The following JAK2 variants were observed in gnomAD, a reference collection of about 807,000 sequenced individuals.
JAK2 encodes tyrosine-protein kinase JAK2.
In JAK2, 86 loss-of-function variants were observed where a neutral mutation model predicts 139.3. The ratio of observed to expected loss-of-function variants is 0.62; its 90% CI spans 0.52 to 0.74. The LOEUF is 0.74. Among genes scored for constraint, JAK2 ranks in the 30% least tolerant of loss-of-function variants. JAK2 has a pLI of 0.00. For missense variants in JAK2, 1,421 were observed against 1,360.3 expected, an observed-to-expected ratio of 1.04 and a Z score of -0.70; for synonymous variants, 490 against 437.7, an observed-to-expected ratio of 1.12 and a Z score of -1.49.
intron 22 of JAK2, chr9:5,110,471 A>G (rs1822370433): frequency 6.5e-6 from 1 of 152,756 alleles, no homozygotes; most frequent in Admixed American, 6.5e-5. Context: ...CCTTTTTTAA[A>G]GCTATATTAT....
At chr9:5,087,340 A>G (rs921559037) in intron 19 of JAK2, among the ~76,000 whole-genome samples, 1 of 152,240 alleles carries the variant, frequency 6.6e-6, no homozygotes, top group African/African-American at 2.4e-5. Context: ...CATGAGAACT[A>G]TCACGAGAAC....
chr9:5,077,354 T>A lies in JAK2; in HGVS notation c.1865-99T>A, dbSNP rs542588704. On this transcript the variant is annotated intron_variant, in intron 14 of 24. Transcript: ENST00000381652. ...GTGAGTTTTGCCAATTTAATTTCTT[T>A]ACCTATAATGGTCACATGTAAGTAT... is the stretch of plus-strand genomic sequence containing the variant. 27 of 400,744 alleles carry A rather than the reference T, an allele frequency of 6.7e-5. No individual in the cohort carries two copies. In the East Asian group the frequency reaches 1.1e-3, roughly 17 times the overall value. The allele number at this position is 400,744 out of a possible 1,614,324, so 24.8% of individuals were successfully genotyped here.
intron 22 of JAK2, chr9:5,111,908 C>T (rs1822598986): frequency 8.5e-6 from 3 of 353,316 alleles, no homozygotes; most frequent in African/African-American, 4.4e-5. Flanking sequence ...CTCGGGAAGG[C>T]CTGGCCTCAA....
intron 15 of JAK2, among the ~76,000 whole-genome samples, 193 bp downstream of exon 15, chr9:5,077,773 GT>G (rs1440042678): frequency 6.6e-6 from 1 of 152,152 alleles, no homozygotes; most frequent in Admixed American, 6.5e-5. Flanking sequence ...TGAAAAAAAA[GT>G]TTTGTCATCC....
chr9:5,105,388 C>A (rs1158176135), intron 22 of JAK2, among the ~76,000 whole-genome samples: 1 of 152,190 alleles, frequency 6.6e-6, no homozygotes, highest in South Asian at 2.1e-4. Context: ...AGGAAAACTA[C>A]AAACCACTGC....
rs1434075624 is a variant in JAK2, at chr9:5,128,940, T to C, written c.*2149T>C. On this transcript the variant is annotated 3_prime_UTR_variant, in exon 25 of 25. Transcript: ENST00000381652. Reference sequence around the variant, plus strand: ...GTAACTATTCCAGTATATTAAGTTATACAATCTTTATATAAATGACTTTTT... The same window carrying C: ...GTAACTATTCCAGTATATTAAGTTACACAATCTTTATATAAATGACTTTTT... 1.3e-5 allele frequency among the ~76,000 whole-genome samples: 2 copies of C among 152,036 alleles called. No homozygotes were observed. Among genetic ancestry groups the C allele is most frequent in the African/African-American group, 4.8e-5 (2 of 41,456 alleles).
chr9:5,126,625 A>C, intron 24 of JAK2, 59 bp from the exon 25 acceptor site: 1 of 1,214,774 alleles, frequency 8.2e-7, no homozygotes, highest in Non-Finnish European at 1.2e-6. Context: ...AATGTCTTCC[A>C]CCAATTAAAA....
chr9:5,111,565 C>T, intron 22 of JAK2: 1 of 364,566 alleles, frequency 2.7e-6, no homozygotes, highest in Non-Finnish European at 5.4e-6. Flanking sequence ...TGGCAGATGG[C>T]AGCCTGCACC....
chr9:5,083,377 G>A (rs1419142031), intron 19 of JAK2, among the ~76,000 whole-genome samples: 1 of 152,184 alleles, frequency 6.6e-6, no homozygotes, highest in Non-Finnish European at 1.5e-5. Context: ...TCTCGCATAA[G>A]CTTGCTAGGA....
intron 2 of JAK2, among the ~76,000 whole-genome samples, chr9:5,014,243 A>G (rs894233387): frequency 4.1e-5 from 6 of 146,398 alleles, no homozygotes; most frequent in African/African-American, 1.3e-4. Flanking sequence ...AGCTAAAGTG[A>G]TCCTCTCACC....
chr9:5,085,896 T>C, intron 19 of JAK2: 1 of 875,672 alleles, frequency 1.1e-6, no homozygotes. Context: ...GAGCGGTTCC[T>C]TTCTAATACC....
chr9:5,041,676 C>G, intron 4 of JAK2: 1 of 511,160 alleles, frequency 2.0e-6, no homozygotes, highest in Non-Finnish European at 3.9e-6. Flanking sequence ...CTCCAGCTAC[C>G]TCTTCGACCG....
intron 22 of JAK2, chr9:5,108,345 C>G (rs974351040): frequency 6.6e-6 from 1 of 152,068 alleles, no homozygotes; most frequent in African/African-American, 2.4e-5. Flanking sequence ...CCAACCAGAA[C>G]GCCTCAATGC....
chr9:5,031,953 G>C (rs942914438), intron 4 of JAK2, among the ~76,000 whole-genome samples: 1 of 152,244 alleles, frequency 6.6e-6, no homozygotes, highest in African/African-American at 2.4e-5. Flanking sequence ...AGCCGAAGCA[G>C]GGCGAGGCAT....
At chr9:5,049,150 G>C (rs554273604) in intron 5 of JAK2, among the ~76,000 whole-genome samples, 1 of 151,662 alleles carries the variant, frequency 6.6e-6, no homozygotes, top group Admixed American at 6.6e-5. Flanking sequence ...TTATTATTTC[G>C]TATCTGAGCC....
In JAK2 at chr9:5,044,481, T is replaced by C. The variant is rs1816851685; in HGVS notation, c.429T>C (p.Pro143=). The C allele has an allele frequency of 1.2e-6, 2 of 1,612,256 alleles. No homozygotes were observed. The highest frequency in any genetic ancestry group is 2.7e-5 in the African/African-American group (2 of 74,874). The change falls in exon 5 of 25, where the codon CCT becomes CCC. Residue 143 remains proline, a synonymous_variant. Coordinates refer to ENST00000381652, the MANE Select transcript of JAK2 (RefSeq NM_004972.4). Reference sequence around the variant, plus strand: ...GAATATCTCGAGGTGCTGAAGCTCCTCTTCTTGATGACTTTGTCATGTCTT... The same window carrying C: ...GAATATCTCGAGGTGCTGAAGCTCCCCTTCTTGATGACTTTGTCATGTCTT... ...RHGISRGAEA[P]LLDDFVMSYL...
At chr9:5,014,148 CT>C (rs945893368) in intron 2 of JAK2, among the ~76,000 whole-genome samples, 2 of 144,502 alleles carry the variant, frequency 1.4e-5, no homozygotes, top group African/African-American at 2.5e-5. Flanking sequence ...TTTATTATAA[CT>C]TTTATTTACT....
chr9:5,126,299 T>C (rs779932192), intron 23 of JAK2, 34 bp from the exon 24 acceptor site: 2 of 1,438,166 alleles, frequency 1.4e-6, no homozygotes, highest in South Asian at 1.2e-5. Context: ...ACAAATTAAA[T>C]GTACAAAAAA....
chr9:5,086,007 G>T, intron 19 of JAK2: 2 of 832,150 alleles, frequency 2.4e-6, no homozygotes, highest in South Asian at 1.3e-5. Context: ...ATGAAACTGT[G>T]ATATACTATA....
Sources: allele counts gnomAD v4.1 joint callset (sites outside exome capture counted in the v4.1 genomes callset), GRCh38; gene constraint gnomAD v4.1.1; transcripts MANE v1.5; gene names NCBI Gene and HGNC (gene_info 2026-07-23, HGNC 2026-07-21).